Variants in YEATS2 observed in about 807,000 individuals in gnomAD.
The protein encoded by YEATS2 is YEATS domain-containing protein 2.
A neutral mutation model predicts 163.2 loss-of-function variants in YEATS2; 77 were observed. That is an observed-to-expected ratio of 0.47 (90% CI 0.39 to 0.57). YEATS2 has a LOEUF of 0.57. Ranked by LOEUF, YEATS2 falls within the 20% of genes least tolerant of loss-of-function variation. The probability of loss-of-function intolerance (pLI) is 0.00; values close to 1 mark genes in which losing one functional copy is unlikely to be tolerated. For missense variants in YEATS2, 1,549 were observed against 1,729.8 expected (o/e 0.90, Z 1.85); for synonymous variants, 631 against 645.1 (o/e 0.98, Z 0.33).
chr3:183,712,755 C>G (rs1050115723), intron 1 of YEATS2, among the ~76,000 whole-genome samples: 1 of 144,964 alleles, frequency 6.9e-6, no homozygotes, highest in Admixed American at 7.2e-5. Context: ...GTGGCTAATA[C>G]TAATACAAAT....
chr3:183,715,999 C>A (rs574629303), intron 2 of YEATS2, among the ~76,000 whole-genome samples: 37 of 151,796 alleles, frequency 2.4e-4, no homozygotes, highest in Admixed American at 5.3e-4. Flanking sequence ...TTGCTCTGTC[C>A]CCCAGGCTGG....
intron 21 of YEATS2, 130 bp from the exon 22 acceptor site, chr3:183,797,793 C>A: frequency 8.9e-7 from 1 of 1,126,540 alleles, no homozygotes; most frequent in Non-Finnish European, 1.3e-6. Flanking sequence ...CTGCTTCTTG[C>A]TCTTTGTTTA....
rs146192340 is a variant in YEATS2 at position 183,784,303 on chromosome 3, A to G, written c.2737-1822A>G. Among the ~76,000 whole-genome samples, 5 of 152,214 alleles carry G rather than the reference A, an allele frequency of 3.3e-5. No individual in the cohort carries two copies. The East Asian group carries it at 9.6e-4, about 29-fold the overall frequency. ...TTTTCCACAGCCTATCTGGTGTGAG[A>G]TGATATTGTGGTTTTGATTTGCATT... On this transcript the variant is annotated intron_variant, in intron 19 of 30. Coordinates refer to ENST00000305135, the MANE Select transcript of YEATS2 (RefSeq NM_018023.5).
intron 7 of YEATS2, among the ~76,000 whole-genome samples, chr3:183,729,726 C>CA (rs1717516623): frequency 6.6e-6 from 1 of 151,688 alleles, no homozygotes; most frequent in Non-Finnish European, 1.5e-5. Flanking sequence ...GGCTAGAGTG[C>CA]AGTGGTGTGC....
At chr3:183,718,420 G>A (rs953409448) in intron 3 of YEATS2, 80 bp from the exon 4 acceptor site, 18 of 1,042,476 alleles carry the variant, frequency 1.7e-5, no homozygotes, top group East Asian at 1.7e-4. Context: ...ACTCATTCAC[G>A]TTTCTTATTT....
chr3:183,798,961 C>G lies in YEATS2; in HGVS notation c.3297C>G (p.Pro1099=). 1 of 1,614,138 alleles carries G rather than the reference C, an allele frequency of 6.2e-7. No homozygotes were observed. Among genetic ancestry groups the G allele is most frequent in the Non-Finnish European group, 8.5e-7 (1 of 1,179,982 alleles). The part of the protein sequence containing the change: ...LPVAAPTPVV[P]SSAPAAVAKV... ...TAGCTGCCCCAACTCCAGTTGTCCC[C>G]AGCTCTGCTCCAGCAGCTGTTGCAA... The change falls in exon 23 of 31, where the codon CCC becomes CCG. Residue 1099 remains proline, a synonymous_variant. Coordinates refer to ENST00000305135, the MANE Select transcript of YEATS2 (RefSeq NM_018023.5).
chr3:183,733,713 T>C (rs943844080), intron 7 of YEATS2, among the ~76,000 whole-genome samples: 5 of 152,236 alleles, frequency 3.3e-5, no homozygotes, highest in African/African-American at 1.2e-4. Flanking sequence ...ACCCTGAATC[T>C]CTTCATCACA....
chr3:183,773,388 C>T (rs1435764264), intron 16 of YEATS2, among the ~76,000 whole-genome samples: 3 of 152,118 alleles, frequency 2.0e-5, no homozygotes, highest in Non-Finnish European at 2.9e-5. Context: ...CCAGGACGTA[C>T]GATCATCCTA....
At chr3:183,807,918 A>C in intron 28 of YEATS2, 112 bp from the exon 29 acceptor site, 1 of 780,802 alleles carries the variant, frequency 1.3e-6, no homozygotes, top group Non-Finnish European at 2.1e-6. Flanking sequence ...ATGTTTGCAG[A>C]GTCCTCCTTC....
rs755116666 is a variant in YEATS2 at position 183,772,310 on chromosome 3, C to T, written c.1953C>T (p.Val651=). ...QSAKVQPSKV[V]GVPVGSALPS... is the part of the protein sequence containing the mutation. ...CTCTGCTCTGTTTTGAACAGGTTGT[C>T]GGGGTACCAGTTGGGTCTGCTTTAC... The change falls in exon 16 of 31, where the codon GTC becomes GTT. Residue 651 remains valine, a synonymous_variant. Coordinates refer to ENST00000305135, the MANE Select transcript of YEATS2 (RefSeq NM_018023.5). 18 of 1,613,594 alleles carry T rather than the reference C, an allele frequency of 1.1e-5. No homozygotes were observed. The highest frequency in any genetic ancestry group is 4.5e-5 in the East Asian group (2 of 44,888).
At chr3:183,707,753 G>A (rs1382950506) in intron 1 of YEATS2, among the ~76,000 whole-genome samples, 3 of 145,584 alleles carry the variant, frequency 2.1e-5, no homozygotes, top group Admixed American at 1.4e-4. Flanking sequence ...GCGCAATCTC[G>A]GATCACTGCA....
intron 1 of YEATS2, among the ~76,000 whole-genome samples, chr3:183,709,747 G>T (rs1054363178): frequency 1.4e-5 from 2 of 148,010 alleles, no homozygotes; most frequent in African/African-American, 2.5e-5. Context: ...GCGTGATCTC[G>T]GCTCACTGCA....
At chr3:183,723,153 A>T (rs1389838182) in intron 5 of YEATS2, among the ~76,000 whole-genome samples, 1 of 152,216 alleles carries the variant, frequency 6.6e-6, no homozygotes, top group African/African-American at 2.4e-5. Context: ...ATATTCTAAG[A>T]TGCTTTAGTA....
At position 183,697,817 on chromosome 3, in the gene YEATS2, T is replaced by G. The variant is rs1364688779; in HGVS notation, c.-196T>G. On this transcript the variant is annotated 5_prime_UTR_variant, in exon 1 of 31. Transcript: ENST00000305135. ...GCCCCGACGCGCCCAGCTGCTGACG[T>G]GCGGGGCGGAACGCGCCGGGCGGGC... The G allele has an allele frequency of 6.7e-6, 1 of 149,504 alleles. No homozygotes were observed. The highest frequency in any genetic ancestry group is 6.7e-5 in the Admixed American group (1 of 15,016). The allele number at this position is 149,504 out of a possible 1,614,324, so 9.3% of individuals were successfully genotyped here.
intron 9 of YEATS2, among the ~76,000 whole-genome samples, chr3:183,748,081 C>T (rs1208420331): frequency 1.3e-5 from 2 of 151,650 alleles, no homozygotes; most frequent in Non-Finnish European, 2.9e-5. Flanking sequence ...AGTCCATTCT[C>T]ACACTATTAT....
chr3:183,749,452 C>G (rs947061122), intron 9 of YEATS2, among the ~76,000 whole-genome samples: 6 of 152,090 alleles, frequency 3.9e-5, no homozygotes, highest in African/African-American at 1.2e-4. Context: ...TCCCGCCCCC[C>G]CAGCACTGGC....
chr3:183,732,015 CAT>C (rs145551750), intron 7 of YEATS2, among the ~76,000 whole-genome samples: 2,102 of 152,106 alleles, frequency 0.014, 45 homozygotes, highest in African/African-American at 0.046. Flanking sequence ...CTGGAGAAAT[CAT>C]ATGCTGTGAT....
chr3:183,732,346 G>A (rs863809), intron 7 of YEATS2, among the ~76,000 whole-genome samples: 61,060 of 150,910 alleles, frequency 0.4, 12,991 homozygotes, highest in East Asian at 0.65. Flanking sequence ...CCAGCTACTC[G>A]AGAGGCTGAG....
rs375152363 is a variant in YEATS2, at chr3:183,804,079, C to T, written c.3675C>T (p.His1225=). 2.5e-6 allele frequency: 4 copies of T among 1,614,032 alleles called. No homozygotes were observed. Among genetic ancestry groups the T allele is most frequent in the Admixed American group, 1.7e-5 (1 of 60,004 alleles). The change falls in exon 27 of 31, where the codon CAC becomes CAT. Residue 1225 remains histidine (H), a synonymous_variant. Coordinates refer to ENST00000305135, the MANE Select transcript of YEATS2 (RefSeq NM_018023.5). ...FHHLTPLKTK[H]IAHWCRCHGY... is the part of the protein sequence containing the mutation. ...ACCTGACTCCCCTCAAAACCAAGCACATCGCTCACTGGTGCCGCTGTCATG... is the reference window on the plus strand; with the variant it reads ...ACCTGACTCCCCTCAAAACCAAGCATATCGCTCACTGGTGCCGCTGTCATG...
Sources: allele counts gnomAD v4.1 joint callset (sites outside exome capture counted in the v4.1 genomes callset), GRCh38; gene constraint gnomAD v4.1.1; transcripts MANE v1.5; gene names NCBI Gene and HGNC (gene_info 2026-07-23, HGNC 2026-07-21).